SFXN5: variants seen among roughly 807,000 people sequenced by gnomAD.
SFXN5 encodes the protein sideroflexin-5.
A neutral mutation model predicts 50.2 loss-of-function variants in SFXN5; 43 were observed. That is an observed-to-expected ratio of 0.86 (90% CI 0.67 to 1.11). SFXN5 has a LOEUF of 1.11. Among genes scored for constraint, SFXN5 ranks in the 50% least tolerant of loss-of-function variants. SFXN5 has a pLI of 0.00. For missense variants in SFXN5, 463 were observed against 454.1 expected (o/e 1.02, Z -0.18); for synonymous variants, 203 against 185.8 (o/e 1.09, Z -0.75).
chr2:73,029,279 C>G (rs115804068), intron 3 of SFXN5, among the ~76,000 whole-genome samples: 107 of 152,310 alleles, frequency 7.0e-4, no homozygotes, highest in African/African-American at 2.4e-3. Flanking sequence ...CTGTGTTCAG[C>G]CTCCGAAACC....
At chr2:73,022,033 C>T (rs184702196) in intron 5 of SFXN5, among the ~76,000 whole-genome samples, 20 of 152,312 alleles carry the variant, frequency 1.3e-4, no homozygotes, top group Admixed American at 1.1e-3. Context: ...AGTGCAACAA[C>T]AGTGCATCCA....
intron 9 of SFXN5, among the ~76,000 whole-genome samples, chr2:72,993,733 T>A (rs1672887043): frequency 6.6e-6 from 1 of 152,112 alleles, no homozygotes; most frequent in South Asian, 2.1e-4. Flanking sequence ...GGTCCAGGAT[T>A]CCCAGGTGCT....
intron 9 of SFXN5, among the ~76,000 whole-genome samples, chr2:72,989,568 A>G (rs549585988): frequency 6.6e-6 from 1 of 152,136 alleles, no homozygotes; most frequent in African/African-American, 2.4e-5. Flanking sequence ...TTAGGGCTAC[A>G]CTCACTGGCA....
At chr2:73,004,583 G>T (rs1674368163) in intron 6 of SFXN5, among the ~76,000 whole-genome samples, 1 of 152,126 alleles carries the variant, frequency 6.6e-6, no homozygotes, top group Non-Finnish European at 1.5e-5. Flanking sequence ...ACAGGAGCAG[G>T]GACAGCCGAG....
chr2:72,978,002 A>T (rs1197312028), intron 10 of SFXN5, among the ~76,000 whole-genome samples: 1 of 126,138 alleles, frequency 7.9e-6, no homozygotes, highest in African/African-American at 3.7e-5. Flanking sequence ...AGAAAGAATA[A>T]GGAAAAAAAA....
intron 2 of SFXN5, chr2:73,058,300 GA>G: frequency 2.2e-6 from 1 of 450,314 alleles, no homozygotes; most frequent in Non-Finnish European, 4.0e-6. Context: ...AGATCCAAAT[GA>G]TATAATGTAA....
chr2:72,994,446 C>T (rs757482506), intron 9 of SFXN5, among the ~76,000 whole-genome samples: 5 of 152,142 alleles, frequency 3.3e-5, no homozygotes, highest in African/African-American at 4.8e-5. Context: ...GAAGGGACCC[C>T]CCAGGGCCCA....
At chr2:73,069,544 T>C (rs1158889073) in intron 1 of SFXN5, among the ~76,000 whole-genome samples, 2 of 152,152 alleles carry the variant, frequency 1.3e-5, no homozygotes, top group Non-Finnish European at 2.9e-5. Context: ...ATGAATCACA[T>C]GCAACGTGCT....
intron 6 of SFXN5, among the ~76,000 whole-genome samples, chr2:73,007,544 C>T (rs777478221): frequency 1.3e-5 from 2 of 152,084 alleles, no homozygotes; most frequent in Non-Finnish European, 2.9e-5. Context: ...TACCATTCAC[C>T]TCATCAGCAA....
At chr2:72,972,481 G>C (rs1005271815) in intron 10 of SFXN5, among the ~76,000 whole-genome samples, 1 of 152,210 alleles carries the variant, frequency 6.6e-6, no homozygotes, top group African/African-American at 2.4e-5. Context: ...CTAAGGGGAG[G>C]GTTCCCGGCT....
intron 2 of SFXN5, among the ~76,000 whole-genome samples, chr2:73,044,812 T>C (rs886484633): frequency 7.2e-5 from 11 of 152,290 alleles, no homozygotes; most frequent in African/African-American, 2.4e-4. Flanking sequence ...GAGAGGGGTA[T>C]GGTCTCCAGA....
chr2:72,979,879 G>A (rs1274347193), intron 10 of SFXN5, among the ~76,000 whole-genome samples: 4 of 152,130 alleles, frequency 2.6e-5, no homozygotes, highest in Admixed American at 2.6e-4. Context: ...TATACTTTTA[G>A]ATGTTAACTT....
intron 2 of SFXN5, chr2:73,049,821 C>T (rs2105974310): frequency 6.6e-6 from 1 of 152,228 alleles, no homozygotes; most frequent in Non-Finnish European, 1.5e-5. Context: ...AGAGTCTCAT[C>T]CAGAATCCTC....
At chr2:72,978,916 C>T (rs1173988458) in intron 10 of SFXN5, among the ~76,000 whole-genome samples, 1 of 152,060 alleles carries the variant, frequency 6.6e-6, no homozygotes, top group Non-Finnish European at 1.5e-5. Context: ...CTGTTTAGAG[C>T]ACAAGGTTGT....
intron 1 of SFXN5, among the ~76,000 whole-genome samples, chr2:73,067,218 ACT>A (rs975299453): frequency 6.6e-6 from 1 of 152,216 alleles, no homozygotes; most frequent in African/African-American, 2.4e-5. Context: ...GTTGAGGGAC[ACT>A]CTATAAAATA....
chr2:73,027,891 G>A (rs1251338880), intron 3 of SFXN5, among the ~76,000 whole-genome samples: 4 of 152,012 alleles, frequency 2.6e-5, no homozygotes, highest in Admixed American at 1.3e-4. Context: ...CCAACTCCTG[G>A]GCTCAAGCAA....
At chr2:73,069,316 G>A (rs541778071) in intron 1 of SFXN5, among the ~76,000 whole-genome samples, 1 of 152,278 alleles carries the variant, frequency 6.6e-6, no homozygotes, top group Non-Finnish European at 1.5e-5. Context: ...CTTGGTCTAG[G>A]ATTCTGGCAG....
At chr2:72,959,069 C>T (rs979098221) in intron 13 of SFXN5, among the ~76,000 whole-genome samples, 5 of 152,130 alleles carry the variant, frequency 3.3e-5, no homozygotes, top group African/African-American at 9.7e-5. Flanking sequence ...TTCACTTCCC[C>T]GACTTGTCTC....
At position 72,967,480 on chromosome 2, in the gene SFXN5, C is replaced by T. The variant is rs892980842; in HGVS notation, c.827+968G>A. On this transcript the variant is annotated intron_variant, in intron 12 of 13. Coordinates refer to ENST00000272433, the MANE Select transcript of SFXN5 (RefSeq NM_144579.3). The stretch of plus-strand genomic sequence containing the variant: ...AGGGCCTCTTTGAGGGGGTGGCATT[C>T]GGGCAGAGGCCTGACTGAGAGAGGA... Among the ~76,000 whole-genome samples the T allele has an allele frequency of 7.2e-5, 11 of 152,134 alleles. No individual in the cohort carries two copies. The South Asian group carries it at 8.3e-4, about 11-fold the overall frequency.
Sources: gnomAD v4.1 joint callset for allele counts (sites outside exome capture counted in the v4.1 genomes callset) on GRCh38, gnomAD v4.1.1 for gene constraint, MANE v1.5 for transcripts, NCBI Gene and HGNC (gene_info 2026-07-23, HGNC 2026-07-21) for gene names.